Variants in NWD2 observed in about 807,000 individuals in gnomAD.
NWD2 encodes the protein NACHT and WD repeat domain containing 2.
In NWD2, 37 loss-of-function variants were observed where a neutral mutation model predicts 132.7. The ratio of observed to expected loss-of-function variants is 0.28; its 90% CI spans 0.21 to 0.37. The LOEUF is 0.37. Among genes scored for constraint, NWD2 ranks in the 10% least tolerant of loss-of-function variants. The pLI is 1.00. For synonymous variants in NWD2, 705 were observed against 803.0 expected (o/e 0.88, Z 2.06); for missense variants, 1,592 against 2,122.4 (o/e 0.75, Z 4.91).
intron 2 of NWD2, among the ~76,000 whole-genome samples, chr4:37,342,122 G>A (rs968269250): frequency 2.0e-5 from 3 of 152,162 alleles, no homozygotes; most frequent in African/African-American, 4.8e-5. Context: ...CAACACTGGG[G>A]ATGGGGCCTG....
In NWD2 at chr4:37,383,991, C is replaced by T. The variant is rs77794270; in HGVS notation, c.357+27509C>T. Among the ~76,000 whole-genome samples, 821 of 152,150 alleles carry T rather than the reference C, an allele frequency of 5.4e-3. 9 individuals carry two copies. The highest frequency in any genetic ancestry group is 0.019 in the African/African-American group (777 of 41,488). ...TTTTTTATAGTTAAATAAAAACCTG[C>T]AGGACGTGCCGGTCTGTTACATAGG... On this transcript the variant is annotated intron_variant, in intron 3 of 6. Transcript: ENST00000309447.
chr4:37,249,999 G>T (rs1473173544), intron 1 of NWD2, among the ~76,000 whole-genome samples: 1 of 152,160 alleles, frequency 6.6e-6, no homozygotes, highest in Non-Finnish European at 1.5e-5. Context: ...CACACAAAAG[G>T]CAGACATATC....
chr4:37,320,211 A>G (rs940217597), intron 1 of NWD2, among the ~76,000 whole-genome samples: 1 of 152,092 alleles, frequency 6.6e-6, no homozygotes, highest in Non-Finnish European at 1.5e-5. Context: ...CCTTCTGAGC[A>G]TGGAAAGCAG....
chr4:37,274,741 G>C (rs1262885755), intron 1 of NWD2, among the ~76,000 whole-genome samples: 1 of 152,044 alleles, frequency 6.6e-6, no homozygotes. Flanking sequence ...CCATGATCAA[G>C]TGGGCTTCAT....
intron 1 of NWD2, among the ~76,000 whole-genome samples, chr4:37,253,463 C>A (rs1420609826): frequency 6.6e-6 from 1 of 152,062 alleles, no homozygotes; most frequent in East Asian, 1.9e-4. Flanking sequence ...AGGTCATGTC[C>A]CAAGGGATAG....
intron 3 of NWD2, among the ~76,000 whole-genome samples, chr4:37,377,880 C>T (rs35430744): frequency 0.25 from 37,386 of 151,878 alleles, 4,888 homozygotes; most frequent in South Asian, 0.34. Flanking sequence ...CTTAAAATAA[C>T]TTTAAAACAT....
intron 3 of NWD2, among the ~76,000 whole-genome samples, chr4:37,410,053 T>C (rs917681479): frequency 2.0e-5 from 3 of 152,130 alleles, no homozygotes; most frequent in Non-Finnish European, 4.4e-5. Flanking sequence ...TGCAAAAACA[T>C]ACCAAATTGT....
chr4:37,311,785 C>T (rs1047894335), intron 1 of NWD2, among the ~76,000 whole-genome samples: 5 of 148,774 alleles, frequency 3.4e-5, no homozygotes, highest in African/African-American at 1.3e-4. Flanking sequence ...GTCTTTAATC[C>T]ATCTTGAATT....
chr4:37,397,916 C>T (rs1053444796), intron 3 of NWD2, among the ~76,000 whole-genome samples: 2 of 152,078 alleles, frequency 1.3e-5, no homozygotes, highest in African/African-American at 4.8e-5. Flanking sequence ...TCATTGTGAG[C>T]ACTCATTTGG....
At chr4:37,308,552 T>G (rs570461731) in intron 1 of NWD2, among the ~76,000 whole-genome samples, 2 of 152,094 alleles carry the variant, frequency 1.3e-5, no homozygotes. Flanking sequence ...AACCAGACCT[T>G]GGGTCCCTGG....
In NWD2 at chr4:37,439,861, G is replaced by A. The variant is rs1389185311; in HGVS notation, c.1296+471G>A. Among the ~76,000 whole-genome samples, 3 of 152,148 alleles carry A rather than the reference G, an allele frequency of 2.0e-5. No homozygotes were observed. Among genetic ancestry groups the A allele is most frequent in the African/African-American group, 7.2e-5 (3 of 41,416 alleles). ...ACAAGGCACCTACAGTGGGAAATGG[G>A]GATCTTCTTTCTTTTTCCACGTGGC... On this transcript the variant is annotated intron_variant, in intron 6 of 6. Transcript: ENST00000309447. This position sits in a 1 kb window ranked among gnomAD's most constrained non-coding sequence, Gnocchi z 4.5.
intron 3 of NWD2, among the ~76,000 whole-genome samples, chr4:37,413,719 C>T (rs1302348396): frequency 6.6e-6 from 1 of 152,050 alleles, no homozygotes; most frequent in East Asian, 1.9e-4. Context: ...TTGGAATCAA[C>T]CCAAATGTTC....
chr4:37,358,872 C>A (rs1324918397), intron 3 of NWD2, among the ~76,000 whole-genome samples: 1 of 152,138 alleles, frequency 6.6e-6, no homozygotes, highest in Admixed American at 6.6e-5. Flanking sequence ...AAGTGAAGAA[C>A]ACAAACCACT....
intron 3 of NWD2, among the ~76,000 whole-genome samples, chr4:37,417,312 A>G (rs752989442): frequency 6.6e-6 from 1 of 152,032 alleles, no homozygotes; most frequent in Non-Finnish European, 1.5e-5. Flanking sequence ...TATACAAAAG[A>G]ATAGATTGGA....
At chr4:37,387,550 TC>T (rs1202852555) in intron 3 of NWD2, among the ~76,000 whole-genome samples, 1 of 151,756 alleles carries the variant, frequency 6.6e-6, no homozygotes, top group Non-Finnish European at 1.5e-5. Flanking sequence ...TGTCTGTACG[TC>T]CTGTATCTTC....
intron 3 of NWD2, among the ~76,000 whole-genome samples, chr4:37,395,713 C>T (rs1394570407): frequency 6.6e-6 from 1 of 151,804 alleles, no homozygotes; most frequent in African/African-American, 2.4e-5. Context: ...CCACTCCCAG[C>T]CTTCTGGACC....
intron 5 of NWD2, among the ~76,000 whole-genome samples, chr4:37,436,171 T>C (rs1712316800): frequency 6.6e-6 from 1 of 152,290 alleles, no homozygotes; most frequent in Non-Finnish European, 1.5e-5. Context: ...ACTGGAAACC[T>C]ATTTCCACCA....
intron 1 of NWD2, among the ~76,000 whole-genome samples, chr4:37,279,226 G>A (rs966699564): frequency 6.6e-6 from 1 of 152,138 alleles, no homozygotes; most frequent in African/African-American, 2.4e-5. Flanking sequence ...AGTCCATTTG[G>A]AAGCCAAAAT....
intron 4 of NWD2, among the ~76,000 whole-genome samples, chr4:37,433,099 T>A (rs1321075118): frequency 6.6e-6 from 1 of 152,242 alleles, no homozygotes; most frequent in Non-Finnish European, 1.5e-5. Flanking sequence ...TGATTTTTCT[T>A]CTTCTCCCTC....
Sources: allele counts gnomAD v4.1 joint callset (sites outside exome capture counted in the v4.1 genomes callset), GRCh38; gene constraint gnomAD v4.1.1; non-coding constraint Gnocchi (gnomAD v3.1); transcripts MANE v1.5; gene names NCBI Gene and HGNC (gene_info 2026-07-23, HGNC 2026-07-21).